MED23: variants seen among roughly 807,000 people sequenced by gnomAD.
MED23 encodes mediator of RNA polymerase II transcription subunit 23.
A neutral mutation model predicts 163.9 loss-of-function variants in MED23; 105 were observed. The ratio of observed to expected loss-of-function variants is 0.64; its 90% CI spans 0.55 to 0.75. MED23 has a LOEUF of 0.75. MED23 is among the 30% of genes least tolerant of loss of function. The pLI is 0.00. For synonymous variants in MED23, 561 were observed against 565.6 expected (o/e 0.99, Z 0.12); for missense variants, 1,054 against 1,649.0 (o/e 0.64, Z 6.25).
chr6:131,577,396 G>C (rs1329778837), intron 30 of MED23, among the ~76,000 whole-genome samples: 25 of 152,076 alleles, frequency 1.6e-4, no homozygotes, highest in Admixed American at 1.6e-3. Flanking sequence ...TTCTACTCCT[G>C]GGTGCAGAGA....
chr6:131,591,399 G>A lies in MED23; in HGVS notation c.3600C>T (p.Tyr1200=), dbSNP rs570719986. ...ACGTATAGCTACAACTCATCTCAGAGTAGGACTGATGACAGGCAGTGAAAT... is the reference window on the plus strand; with the variant it reads ...ACGTATAGCTACAACTCATCTCAGAATAGGACTGATGACAGGCAGTGAAAT... ...LFDFTACHQS[Y]SEMSCSYTLA... The change falls in exon 26 of 29, where the codon TAC becomes TAT. Residue 1200 remains tyrosine, a synonymous_variant. Transcript: ENST00000368068. 39 of 1,613,890 alleles carry A rather than the reference G, an allele frequency of 2.4e-5. No individual in the cohort carries two copies. The East Asian group carries it at 4.0e-4, about 17-fold the overall frequency.
chr6:131,590,476 G>T (rs376254496), intron 26 of MED23, 34 bp from the exon 27 acceptor site: 243 of 1,519,190 alleles, frequency 1.6e-4, no homozygotes, highest in Non-Finnish European at 3.0e-5. Context: ...CCTGTGACTT[G>T]AAATTATTTA....
chr6:131,609,796 G>T (rs776738308), intron 11 of MED23, among the ~76,000 whole-genome samples: 2 of 149,816 alleles, frequency 1.3e-5, no homozygotes, highest in African/African-American at 4.9e-5. Flanking sequence ...TGCTCCTTGA[G>T]GATATTACAG....
intron 15 of MED23, 76 bp from the exon 16 acceptor site, chr6:131,603,280 G>C: frequency 2.2e-6 from 3 of 1,362,988 alleles, no homozygotes; most frequent in Non-Finnish European, 3.1e-6. Context: ...AAGTCACATT[G>C]AGTAAAATAT....
intron 11 of MED23, among the ~76,000 whole-genome samples, chr6:131,609,333 C>T (rs530613464): frequency 6.6e-6 from 1 of 152,120 alleles, no homozygotes. Context: ...AACGATTTCC[C>T]CTTTATATTT....
intron 22 of MED23, among the ~76,000 whole-genome samples, chr6:131,595,411 T>C (rs1774972481): frequency 6.6e-6 from 1 of 152,204 alleles, no homozygotes; most frequent in South Asian, 2.1e-4. Flanking sequence ...TCTGAAATAA[T>C]GTTTCCTATG....
rs774900904 is a variant in MED23 at position 131,589,609 on chromosome 6, T to A, written c.3808-13A>T. On this transcript the variant is annotated splice_polypyrimidine_tract_variant and intron_variant, in intron 27 of 28. Transcript: ENST00000368068. The stretch of plus-strand genomic sequence containing the variant: ...ACGCCACACCAATCTATTTAACAAA[T>A]AATGTAAAATTATTTAAGTGATCAA... The A allele has an allele frequency of 6.2e-7, 1 of 1,612,820 alleles. No homozygotes were observed. The highest frequency in any genetic ancestry group is 8.5e-7 in the Non-Finnish European group (1 of 1,179,234).
intron 30 of MED23, chr6:131,579,213 A>G: frequency 6.2e-7 from 1 of 1,614,160 alleles, no homozygotes; most frequent in Non-Finnish European, 8.5e-7. Context: ...AAAGCAAGCG[A>G]GCAGCTGGCT....
chr6:131,604,397 A>T, intron 14 of MED23, 77 bp from the exon 15 acceptor site: 1 of 1,433,544 alleles, frequency 7.0e-7, no homozygotes, highest in Non-Finnish European at 9.7e-7. Flanking sequence ...CTTAGAAGTA[A>T]CTTAGTATAA....
chr6:131,605,435 T>G lies in MED23; in HGVS notation c.1418A>C (p.Lys473Thr). ...GTATGCATTACACAATAGAGCAATC[T>G]TATAGTCATTCATCTGTAAACTTTT... is the stretch of plus-strand genomic sequence containing the variant. Reference protein sequence around the residue: ...RNKSLQMNDYKIALLCNAYST... With the variant: ...RNKSLQMNDYTIALLCNAYST... The change falls in exon 14 of 29, where the codon AAG (lysine) becomes ACG (threonine). Residue 473 changes from lysine (K) to threonine (T), a missense_variant. Coordinates refer to ENST00000368068, the MANE Select transcript of MED23 (RefSeq NM_004830.4). 6.2e-7 allele frequency: 1 copy of G among 1,609,950 alleles called. No individual in the cohort carries two copies. The highest frequency in any genetic ancestry group is 8.5e-7 in the Non-Finnish European group (1 of 1,177,216).
At chr6:131,579,558 A>G in intron 30 of MED23, 1 of 316,908 alleles carries the variant, frequency 3.2e-6, no homozygotes, top group Non-Finnish European at 5.9e-6. Flanking sequence ...ACAAGCTTAC[A>G]TTTCTAAATA....
chr6:131,628,295 A>C (rs935372917), upstream of MED23: 10 of 550,256 alleles, frequency 1.8e-5, no homozygotes, highest in Middle Eastern at 4.9e-4. Context: ...CAGCGGCGCC[A>C]CCAGAAGGTT....
rs1773728708 is a variant in MED23 at position 131,578,279 on chromosome 6, T to A, written c.4096-3984A>T. On this transcript the variant is annotated intron_variant, in intron 30 of 30. Coordinates refer to the MED23 transcript ENST00000354577. The stretch of plus-strand genomic sequence containing the variant: ...CCCTTAACTGACAAGCATAATTTGG[T>A]CACGTGTTGTATCAGGTGAAATTTC... Among the ~76,000 whole-genome samples the A allele has an allele frequency of 2.0e-5, 3 of 151,846 alleles. No individual in the cohort carries two copies. The South Asian group carries it at 6.2e-4, about 32-fold the overall frequency.
At chr6:131,605,093 T>C (rs1043479644) in intron 14 of MED23, 147 bp downstream of exon 14, 13 of 790,104 alleles carry the variant, frequency 1.6e-5, no homozygotes, top group African/African-American at 8.8e-5. Flanking sequence ...TAAAAAATAT[T>C]TACTTTTGTA....
At chr6:131,602,477 A>G (rs1775556405) in intron 16 of MED23, 96 bp from the exon 17 acceptor site, 9 of 1,122,988 alleles carry the variant, frequency 8.0e-6, no homozygotes, top group Non-Finnish European at 1.1e-5. Context: ...GCAATCTATG[A>G]CTATCCCTTC....
Position 131,610,249 on chromosome 6 carries a change from G to A in MED23, c.877-3C>T. 6.2e-7 allele frequency: 1 copy of A among 1,613,510 alleles called. No homozygotes were observed. The highest frequency in any genetic ancestry group is 8.5e-7 in the Non-Finnish European group (1 of 1,179,676). On this transcript the variant is annotated splice_region_variant and splice_polypyrimidine_tract_variant and intron_variant, in intron 10 of 28. Transcript: ENST00000368068. ...AGCACAGGGCAGCGCTGCTTGTGCTGTAGGGCAGAGATTAAATACAGTATT... is the reference window on the plus strand; with the variant it reads ...AGCACAGGGCAGCGCTGCTTGTGCTATAGGGCAGAGATTAAATACAGTATT...
intron 5 of MED23, 22 bp from the exon 6 acceptor site, chr6:131,622,001 G>C (rs776751182): frequency 6.4e-7 from 1 of 1,561,006 alleles, no homozygotes; most frequent in South Asian, 1.1e-5. Flanking sequence ...AAAAAGACAT[G>C]GGTTAAAATT....
chr6:131,623,927 T>C (rs377751141), intron 4 of MED23, among the ~76,000 whole-genome samples: 1 of 152,368 alleles, frequency 6.6e-6, no homozygotes, highest in East Asian at 1.9e-4. Context: ...GTGTCTTTCA[T>C]AAAAGTGATT....
downstream of MED23, among the ~76,000 whole-genome samples, chr6:131,584,529 G>C (rs1202228445): frequency 6.6e-6 from 1 of 152,044 alleles, no homozygotes; most frequent in Non-Finnish European, 1.5e-5. Flanking sequence ...TAAACTCCCT[G>C]GCTCTGGTTT....
Sources: allele counts gnomAD v4.1 joint callset (sites outside exome capture counted in the v4.1 genomes callset), GRCh38; gene constraint gnomAD v4.1.1; transcripts MANE v1.5; gene names NCBI Gene and HGNC (gene_info 2026-07-23, HGNC 2026-07-21).